The following EYS variants were observed in gnomAD, a reference collection of about 807,000 sequenced individuals.
EYS encodes protein eyes shut homolog.
In EYS, 250 loss-of-function variants were observed where a neutral mutation model predicts 282.1. That is an observed-to-expected ratio of 0.89 (90% CI 0.80 to 0.98). The LOEUF is 0.98. Among genes scored for constraint, EYS ranks in the 50% least tolerant of loss-of-function variants. The pLI, the probability that EYS is intolerant of heterozygous loss-of-function variation, is 0.00. For missense variants in EYS, 4,016 were observed against 3,709.0 expected, an observed-to-expected ratio of 1.08 and a Z score of -2.15; for synonymous variants, 1,355 against 1,282.9, an observed-to-expected ratio of 1.06 and a Z score of -1.20.
At chr6:64,416,552 G>A (rs1400932418) in intron 28 of EYS, among the ~76,000 whole-genome samples, 1 of 99,692 alleles carries the variant, frequency 1.0e-5, no homozygotes. Flanking sequence ...GGTTTGTTTT[G>A]TCTTCCTTAT....
intron 29 of EYS, among the ~76,000 whole-genome samples, chr6:64,330,225 G>A (rs1240292861): frequency 6.6e-6 from 1 of 152,176 alleles, no homozygotes; most frequent in East Asian, 1.9e-4. Context: ...CAAAGAGCAA[G>A]GTATCTTGGC....
At chr6:64,831,411 TA>T (rs1765212120) in intron 19 of EYS, among the ~76,000 whole-genome samples, 1 of 152,006 alleles carries the variant, frequency 6.6e-6, no homozygotes, top group African/African-American at 2.4e-5. Flanking sequence ...AAGAATTTAT[TA>T]GAATATTATA....
intron 14 of EYS, among the ~76,000 whole-genome samples, chr6:64,984,609 A>G (rs1770789188): frequency 6.6e-6 from 1 of 151,454 alleles, no homozygotes; most frequent in Non-Finnish European, 1.5e-5. Flanking sequence ...TCATTTGAAA[A>G]TAAGAAAGAA....
chr6:65,178,588 T>A (rs1765289869), intron 12 of EYS, among the ~76,000 whole-genome samples: 1 of 152,000 alleles, frequency 6.6e-6, no homozygotes, highest in South Asian at 2.1e-4. Flanking sequence ...ACAAAGAGAC[T>A]TAGACTCCCA....
intron 1 of EYS, among the ~76,000 whole-genome samples, chr6:65,663,963 A>C (rs9345667): frequency 0.81 from 117,812 of 145,446 alleles, 47,462 homozygotes; most frequent in East Asian, 0.85. Flanking sequence ...GCTCCGCCTC[A>C]CGGGTTCAGG....
chr6:64,978,672 T>C (rs1366323933), intron 14 of EYS, among the ~76,000 whole-genome samples: 1 of 151,984 alleles, frequency 6.6e-6, no homozygotes, highest in Non-Finnish European at 1.5e-5. Flanking sequence ...AGATTCACAA[T>C]TCTAGATGCC....
chr6:63,859,659 A>G (rs1772485679), intron 36 of EYS, among the ~76,000 whole-genome samples: 1 of 151,456 alleles, frequency 6.6e-6, no homozygotes, highest in African/African-American at 2.4e-5. Flanking sequence ...AAAAAAAAAG[A>G]AGAGATTATT....
At chr6:65,210,630 C>CA (rs1766150855) in intron 12 of EYS, among the ~76,000 whole-genome samples, 1 of 151,338 alleles carries the variant, frequency 6.6e-6, no homozygotes. Context: ...AAGTACATGG[C>CA]AAAGAAAATA....
At chr6:65,702,835 G>C (rs536562327) in intron 1 of EYS, among the ~76,000 whole-genome samples, 8 of 152,206 alleles carry the variant, frequency 5.3e-5, no homozygotes, top group African/African-American at 1.4e-4. Flanking sequence ...AATTTTATGT[G>C]TCAACTTGGC....
intron 19 of EYS, among the ~76,000 whole-genome samples, chr6:64,832,784 G>C (rs190352828): frequency 7.9e-5 from 12 of 151,958 alleles, no homozygotes; most frequent in African/African-American, 2.7e-4. Context: ...TGTATCTCAC[G>C]AAGCTACAAA....
At chr6:64,904,019 A>G (rs934414981) in intron 16 of EYS, among the ~76,000 whole-genome samples, 2 of 152,242 alleles carry the variant, frequency 1.3e-5, no homozygotes, top group African/African-American at 4.8e-5. Flanking sequence ...ATCAAAAGTT[A>G]TATTAAATAT....
intron 14 of EYS, among the ~76,000 whole-genome samples, chr6:64,969,587 A>G (rs892130069): frequency 1.3e-5 from 2 of 152,132 alleles, no homozygotes; most frequent in Non-Finnish European, 2.9e-5. Flanking sequence ...AGTAGAGCCC[A>G]AATTCCCTGG....
intron 30 of EYS, among the ~76,000 whole-genome samples, chr6:64,262,141 C>T (rs1000634399): frequency 1.3e-5 from 2 of 151,944 alleles, no homozygotes; most frequent in Non-Finnish European, 2.9e-5. Context: ...TAACAATGTG[C>T]CCATGACATG....
chr6:65,540,679 G>T (rs565870856), intron 2 of EYS, among the ~76,000 whole-genome samples: 1 of 152,248 alleles, frequency 6.6e-6, no homozygotes, highest in Non-Finnish European at 1.5e-5. Flanking sequence ...AGCACTTTGG[G>T]AGGCCGAGGC....
At chr6:65,660,089 T>C (rs1767953702) in intron 1 of EYS, among the ~76,000 whole-genome samples, 1 of 151,708 alleles carries the variant, frequency 6.6e-6, no homozygotes, top group Admixed American at 6.6e-5. Context: ...TTATTAAAAA[T>C]TTATTCAGAA....
intron 5 of EYS, among the ~76,000 whole-genome samples, chr6:65,408,173 A>G (rs1435532809): frequency 2.0e-5 from 3 of 152,174 alleles, no homozygotes; most frequent in South Asian, 2.1e-4. Flanking sequence ...ATATGTTTAT[A>G]TGTGATTGGA....
At chr6:65,656,831 GAGA>G (rs1393358879) in intron 1 of EYS, among the ~76,000 whole-genome samples, 33 of 151,932 alleles carry the variant, frequency 2.2e-4, no homozygotes, top group African/African-American at 7.7e-4. Context: ...AGTTTAATAT[GAGA>G]AGAATATCCA....
At chr6:65,314,035 G>A (rs1240477198) in intron 11 of EYS, among the ~76,000 whole-genome samples, 1 of 152,052 alleles carries the variant, frequency 6.6e-6, no homozygotes, top group Admixed American at 6.6e-5. Context: ...TTTCACAGAA[G>A]CCAAACATTT....
intron 37 of EYS, among the ~76,000 whole-genome samples, chr6:63,796,437 T>C (rs2149674313): frequency 6.6e-6 from 1 of 152,294 alleles, no homozygotes; most frequent in East Asian, 1.9e-4. Flanking sequence ...ATTGTGACTT[T>C]TAACATCATA....
Sources: allele counts gnomAD v4.1 joint callset (sites outside exome capture counted in the v4.1 genomes callset), GRCh38; gene constraint gnomAD v4.1.1; transcripts MANE v1.5; gene names NCBI Gene and HGNC (gene_info 2026-07-23, HGNC 2026-07-21).